Variants in TM9SF2 observed in about 807,000 individuals in gnomAD.
TM9SF2 encodes the protein transmembrane 9 superfamily member 2.
A neutral mutation model predicts 84.9 loss-of-function variants in TM9SF2; 13 were observed. The observed-to-expected ratio is 0.15, with a 90% confidence interval of 0.10 to 0.24. TM9SF2 has a LOEUF of 0.24. Among genes scored for constraint, TM9SF2 ranks in the 10% least tolerant of loss-of-function variants. The pLI is 1.00. For synonymous variants in TM9SF2, 273 were observed against 285.8 expected (o/e 0.96, Z 0.45); for missense variants, 562 against 818.5 (o/e 0.69, Z 3.82).
intron 4 of TM9SF2, among the ~76,000 whole-genome samples, chr13:99,533,573 G>A (rs1288241084): frequency 6.6e-6 from 1 of 152,100 alleles, no homozygotes; most frequent in African/African-American, 2.4e-5. Flanking sequence ...CCATGACATT[G>A]GAACCGTGCT....
At chr13:99,535,918 T>A (rs1209926990) in intron 4 of TM9SF2, among the ~76,000 whole-genome samples, 1 of 152,226 alleles carries the variant, frequency 6.6e-6, no homozygotes, top group Non-Finnish European at 1.5e-5. Context: ...ACTTGAAAGA[T>A]TTGGTTCGCT....
intron 16 of TM9SF2, among the ~76,000 whole-genome samples, chr13:99,560,654 T>C (rs1213687620): frequency 1.3e-5 from 2 of 152,188 alleles, no homozygotes; most frequent in East Asian, 3.8e-4. Context: ...AGCTTAACCA[T>C]CACCTAAATT....
At chr13:99,521,845 TACA>T (rs1384012005) in intron 3 of TM9SF2, among the ~76,000 whole-genome samples, 1 of 152,082 alleles carries the variant, frequency 6.6e-6, no homozygotes, top group African/African-American at 2.4e-5. Context: ...TGGCTAGGAC[TACA>T]GATGCATACC....
intron 14 of TM9SF2, among the ~76,000 whole-genome samples, chr13:99,554,783 A>G (rs1289432779): frequency 6.6e-6 from 1 of 152,182 alleles, no homozygotes; most frequent in Admixed American, 6.5e-5. Flanking sequence ...CTTGTGTTAC[A>G]CAGCAACCCT....
In TM9SF2 at chr13:99,560,924, C is replaced by T. The variant is rs1311668676; in HGVS notation, c.1924+1390C>T. 2.6e-5 allele frequency among the ~76,000 whole-genome samples: 4 copies of T among 152,276 alleles called. No individual in the cohort carries two copies. The East Asian group carries it at 7.7e-4, about 29-fold the overall frequency. ...TCTCGAACCCCTGACCTCAGACGAT[C>T]TGCCCGCCTTGGCCTCCCGAAGTGC... On this transcript the variant is annotated intron_variant, in intron 16 of 16. Coordinates refer to ENST00000376387, the MANE Select transcript of TM9SF2 (RefSeq NM_004800.3).
chr13:99,556,727 G>A (rs1199564582), intron 15 of TM9SF2, among the ~76,000 whole-genome samples: 3 of 152,108 alleles, frequency 2.0e-5, no homozygotes, highest in Non-Finnish European at 2.9e-5. Context: ...GGGACTACAG[G>A]CGCCTGCCAC....
intron 10 of TM9SF2, among the ~76,000 whole-genome samples, chr13:99,544,435 A>C (rs751346595): frequency 5.9e-5 from 9 of 152,002 alleles, no homozygotes; most frequent in Non-Finnish European, 5.9e-5. Context: ...AATCTAAGTG[A>C]CTTGGGGCAG....
At chr13:99,562,365 T>G (rs1196253995) in intron 16 of TM9SF2, among the ~76,000 whole-genome samples, 1 of 152,250 alleles carries the variant, frequency 6.6e-6, no homozygotes, top group Non-Finnish European at 1.5e-5. Context: ...AGTAGCGTTT[T>G]CCATTTTGTT....
chr13:99,535,152 G>A (rs945899848), intron 4 of TM9SF2, among the ~76,000 whole-genome samples: 4 of 151,672 alleles, frequency 2.6e-5, no homozygotes, highest in African/African-American at 9.7e-5. Context: ...ACCCTGTCTC[G>A]AGGGAAAAAA....
intron 10 of TM9SF2, among the ~76,000 whole-genome samples, chr13:99,545,828 G>A (rs1400803641): frequency 3.9e-5 from 6 of 152,152 alleles, no homozygotes; most frequent in African/African-American, 1.4e-4. Flanking sequence ...GCCTCCCAAA[G>A]TGCTGGGGTT....
At chr13:99,520,966 A>G (rs891040036) in intron 3 of TM9SF2, among the ~76,000 whole-genome samples, 1 of 152,182 alleles carries the variant, frequency 6.6e-6, no homozygotes, top group East Asian at 1.9e-4. Flanking sequence ...TCTTTTCAAC[A>G]TATGTACTTC....
rs772598892 is a variant in TM9SF2 at position 99,540,761 on chromosome 13, G to A, written c.876G>A (p.Glu292=). The A allele has an allele frequency of 6.2e-7, 1 of 1,613,794 alleles. No individual in the cohort carries two copies. The highest frequency in any genetic ancestry group is 1.1e-5 in the South Asian group (1 of 91,074). ...RWASRWDYIL[E]SMPHTHIQWF... ...CGTCTAGATGGGACTATATTCTGGA[G>A]TCTATGCCTCATACCCACATTCAGT... Residue 292 remains glutamate, a synonymous_variant, in exon 8 of 17, where the codon GAG becomes GAA. Coordinates refer to ENST00000376387, the MANE Select transcript of TM9SF2 (RefSeq NM_004800.3).
intron 3 of TM9SF2, among the ~76,000 whole-genome samples, chr13:99,528,292 A>AT (rs1198995170): frequency 6.6e-6 from 1 of 152,244 alleles, no homozygotes; most frequent in Non-Finnish European, 1.5e-5. Flanking sequence ...GATCCTGGCT[A>AT]TGCCGATGCT....
intron 13 of TM9SF2, among the ~76,000 whole-genome samples, chr13:99,553,106 A>T (rs2046312525): frequency 6.6e-6 from 1 of 151,988 alleles, no homozygotes; most frequent in South Asian, 2.1e-4. Flanking sequence ...TTTGCTGCCC[A>T]CTCCTGCCCT....
chr13:99,534,286 A>G (rs1164250237), intron 4 of TM9SF2, among the ~76,000 whole-genome samples: 1 of 152,232 alleles, frequency 6.6e-6, no homozygotes, highest in Non-Finnish European at 1.5e-5. Context: ...TACTTTAGTG[A>G]GTTCCAATCC....
intron 1 of TM9SF2, among the ~76,000 whole-genome samples, chr13:99,503,070 A>T (rs1350117966): frequency 6.6e-6 from 1 of 152,238 alleles, no homozygotes; most frequent in African/African-American, 2.4e-5. Context: ...CTGCAGTGCA[A>T]GAAGCTTTCA....
chr13:99,546,161 C>T (rs948287477), intron 10 of TM9SF2, among the ~76,000 whole-genome samples: 8 of 152,034 alleles, frequency 5.3e-5, no homozygotes, highest in East Asian at 1.9e-4. Flanking sequence ...GAGGTGTGTG[C>T]GCGTGCTTGC....
At chr13:99,503,786 A>C (rs1322247445) in intron 1 of TM9SF2, among the ~76,000 whole-genome samples, 3 of 151,574 alleles carry the variant, frequency 2.0e-5, no homozygotes, top group Non-Finnish European at 4.4e-5. Flanking sequence ...TGAAACTTAT[A>C]GGTGGTCTTC....
chr13:99,549,806 C>T (rs778790338), intron 12 of TM9SF2, among the ~76,000 whole-genome samples: 25 of 152,130 alleles, frequency 1.6e-4, no homozygotes, highest in African/African-American at 1.7e-4. Flanking sequence ...AGAACTGACA[C>T]GTGAACAGGC....
Sources: allele counts gnomAD v4.1 joint callset (sites outside exome capture counted in the v4.1 genomes callset), GRCh38; gene constraint gnomAD v4.1.1; transcripts MANE v1.5; gene names NCBI Gene and HGNC (gene_info 2026-07-23, HGNC 2026-07-21).